The following ATRNL1 variants were observed in gnomAD, a reference collection of about 807,000 sequenced individuals.
ATRNL1 encodes attractin like 1, also known as attractin-like protein 1.
In ATRNL1, 95 loss-of-function variants were observed where a neutral mutation model predicts 182.7. That is an observed-to-expected ratio of 0.52 (90% CI 0.44 to 0.62). The LOEUF (loss-of-function observed/expected upper bound fraction) is 0.62. Ranked by LOEUF, ATRNL1 falls within the 20% of genes least tolerant of loss-of-function variation. The pLI, the probability that ATRNL1 is intolerant of heterozygous loss-of-function variation, is 0.00. For missense variants in ATRNL1, 1,471 were observed against 1,679.5 expected (o/e 0.88, Z 2.17); for synonymous variants, 576 against 568.3 (o/e 1.01, Z -0.19).
intron 20 of ATRNL1, among the ~76,000 whole-genome samples, chr10:115,399,184 C>T (rs782188890): frequency 8.5e-5 from 13 of 152,084 alleles, no homozygotes; most frequent in Non-Finnish European, 1.8e-4. Flanking sequence ...TGTGTCTCTG[C>T]CAGGTTTTAG....
chr10:115,718,690 C>T (rs560530408), intron 26 of ATRNL1, among the ~76,000 whole-genome samples: 22 of 152,160 alleles, frequency 1.4e-4, no homozygotes, highest in African/African-American at 4.3e-4. Context: ...ATTTAGAGTC[C>T]GTATTTTCAT....
At chr10:115,436,273 T>TA (rs1202251942) in intron 21 of ATRNL1, among the ~76,000 whole-genome samples, 5 of 151,954 alleles carry the variant, frequency 3.3e-5, no homozygotes, top group East Asian at 1.9e-4. Context: ...TATTATGAAG[T>TA]AAAAAAAGGT....
At chr10:115,117,396 T>G (rs1264775) in intron 1 of ATRNL1, among the ~76,000 whole-genome samples, 1 of 151,774 alleles carries the variant, frequency 6.6e-6, no homozygotes, top group Non-Finnish European at 1.5e-5. Context: ...CCTACTCTCT[T>G]TCTCCATGGG....
chr10:115,832,560 T>C (rs1040030823), intron 27 of ATRNL1, among the ~76,000 whole-genome samples: 2 of 152,196 alleles, frequency 1.3e-5, no homozygotes, highest in Non-Finnish European at 2.9e-5. Flanking sequence ...TCTCCTGTGG[T>C]ATGTCATTAC....
intron 17 of ATRNL1, among the ~76,000 whole-genome samples, chr10:115,307,569 G>GT (rs2133993140): frequency 6.6e-6 from 1 of 152,214 alleles, no homozygotes; most frequent in African/African-American, 2.4e-5. Flanking sequence ...GCCTCCACAG[G>GT]TTTTTTATTA....
At chr10:115,393,446 G>A (rs1399846791) in intron 19 of ATRNL1, among the ~76,000 whole-genome samples, 1 of 152,098 alleles carries the variant, frequency 6.6e-6, no homozygotes, top group African/African-American at 2.4e-5. Flanking sequence ...GGGAAATTTT[G>A]ACTCATTCAC....
intron 28 of ATRNL1, among the ~76,000 whole-genome samples, chr10:115,936,719 C>T (rs1555122949): frequency 6.6e-6 from 1 of 152,058 alleles, no homozygotes; most frequent in Non-Finnish European, 1.5e-5. Flanking sequence ...ACAATACTAC[C>T]ATTGTTCCAT....
At chr10:115,894,520 ATG>A (rs1401912325) in intron 28 of ATRNL1, among the ~76,000 whole-genome samples, 1 of 152,226 alleles carries the variant, frequency 6.6e-6, no homozygotes, top group Non-Finnish European at 1.5e-5. Flanking sequence ...GGAGTTATAA[ATG>A]TGCTGGGAAC....
chr10:115,590,079 G>A (rs763284374), intron 26 of ATRNL1, among the ~76,000 whole-genome samples: 2 of 152,190 alleles, frequency 1.3e-5, no homozygotes, highest in South Asian at 2.1e-4. Context: ...TAAATTAAAA[G>A]CATTGACTCC....
At chr10:115,490,520 T>G (rs1191910109) in intron 24 of ATRNL1, among the ~76,000 whole-genome samples, 2 of 152,204 alleles carry the variant, frequency 1.3e-5, no homozygotes, top group African/African-American at 4.8e-5. Flanking sequence ...ATTCAGCTAT[T>G]GATAGATGTG....
At chr10:115,916,134 C>T (rs929060477) in intron 28 of ATRNL1, among the ~76,000 whole-genome samples, 1 of 152,186 alleles carries the variant, frequency 6.6e-6, no homozygotes, top group Non-Finnish European at 1.5e-5. Context: ...GAATGCTTTC[C>T]AGTTTAAATG....
intron 28 of ATRNL1, among the ~76,000 whole-genome samples, chr10:115,916,089 A>G (rs1952841165): frequency 6.6e-6 from 1 of 152,150 alleles, no homozygotes; most frequent in African/African-American, 2.4e-5. Flanking sequence ...TTGCAGGCAC[A>G]TAGGTGAGTC....
At chr10:115,856,536 A>G (rs894283479) in intron 28 of ATRNL1, among the ~76,000 whole-genome samples, 2 of 150,696 alleles carry the variant, frequency 1.3e-5, no homozygotes, top group African/African-American at 2.4e-5. Context: ...GCAGTCCCCA[A>G]CCTTTTGGCA....
chr10:115,817,752 G>A (rs551258100), intron 27 of ATRNL1, among the ~76,000 whole-genome samples: 4 of 144,196 alleles, frequency 2.8e-5, no homozygotes, highest in African/African-American at 1.0e-4. Context: ...ATGCTAACTG[G>A]CCCATAAAAA....
intron 28 of ATRNL1, among the ~76,000 whole-genome samples, chr10:115,858,409 A>G (rs1263624670): frequency 3.3e-5 from 5 of 152,168 alleles, no homozygotes; most frequent in African/African-American, 1.2e-4. Flanking sequence ...TGAAGCTGAA[A>G]GCCATTATCC....
chr10:115,210,289 G>C (rs1256754096), intron 8 of ATRNL1, among the ~76,000 whole-genome samples: 1 of 151,882 alleles, frequency 6.6e-6, no homozygotes, highest in African/African-American at 2.4e-5. Context: ...TCTAGATACT[G>C]ACATGGATAT....
At chr10:115,747,597 G>A (rs1948329764) in intron 27 of ATRNL1, among the ~76,000 whole-genome samples, 1 of 152,052 alleles carries the variant, frequency 6.6e-6, no homozygotes, top group African/African-American at 2.4e-5. Context: ...TAGAGTGGTA[G>A]AGAGAGACAT....
At chr10:115,900,002 G>T (rs1952311029) in intron 28 of ATRNL1, among the ~76,000 whole-genome samples, 1 of 152,128 alleles carries the variant, frequency 6.6e-6, no homozygotes, top group Non-Finnish European at 1.5e-5. Flanking sequence ...TGCTTATCAG[G>T]ATTTCAGGAA....
At chr10:115,941,107 G>A (rs782171957) in intron 28 of ATRNL1, among the ~76,000 whole-genome samples, 86 of 152,062 alleles carry the variant, frequency 5.7e-4, no homozygotes, top group Non-Finnish European at 1.1e-3. Context: ...GCACCACGGC[G>A]AACACTTAAA....
Sources: gnomAD v4.1 joint callset for allele counts (sites outside exome capture counted in the v4.1 genomes callset) on GRCh38, gnomAD v4.1.1 for gene constraint, MANE v1.5 for transcripts, NCBI Gene and HGNC (gene_info 2026-07-23, HGNC 2026-07-21) for gene names.